The following DPF3 variants were observed in gnomAD, a reference collection of about 807,000 sequenced individuals.
DPF3 encodes double PHD fingers 3, also known as zinc finger protein DPF3.
DPF3 carries 18 observed loss-of-function variants against 56.8 expected under a neutral mutation model. The ratio of observed to expected loss-of-function variants is 0.32; its 90% CI spans 0.22 to 0.47. The LOEUF (loss-of-function observed/expected upper bound fraction) is 0.47. Among genes scored for constraint, DPF3 ranks in the 20% least tolerant of loss-of-function variants. DPF3 has a pLI of 1.00. For synonymous variants in DPF3, 188 were observed against 180.2 expected, an observed-to-expected ratio of 1.04 and a Z score of -0.35; for missense variants, 403 against 488.8, an observed-to-expected ratio of 0.82 and a Z score of 1.65.
At chr14:72,888,827 C>T (rs1886645774) in intron 1 of DPF3, among the ~76,000 whole-genome samples, 1 of 152,182 alleles carries the variant, frequency 6.6e-6, no homozygotes. Context: ...CACTCAAAAA[C>T]CACAAAAGTT....
intron 5 of DPF3, among the ~76,000 whole-genome samples, chr14:72,716,553 C>G (rs141578011): frequency 6.6e-6 from 1 of 152,098 alleles, no homozygotes. Flanking sequence ...TGGCACTGAG[C>G]GCTGTCTGGC....
intron 7 of DPF3, among the ~76,000 whole-genome samples, chr14:72,678,869 T>C (rs1389478919): frequency 2.6e-5 from 4 of 151,884 alleles, no homozygotes; most frequent in African/African-American, 2.4e-5. Flanking sequence ...GAAATCTACC[T>C]GAGGGAGATA....
intron 8 of DPF3, chr14:72,671,609 A>G: frequency 1.7e-6 from 1 of 589,790 alleles, no homozygotes; most frequent in Non-Finnish European, 3.2e-6. Context: ...TTCAACCATG[A>G]TCTTTCTTCT....
At chr14:72,846,395 G>T (rs1884761428) in intron 1 of DPF3, among the ~76,000 whole-genome samples, 1 of 145,448 alleles carries the variant, frequency 6.9e-6, no homozygotes, top group African/African-American at 2.6e-5. Flanking sequence ...GAGTGCAGTG[G>T]TGCGATCTCG....
At chr14:72,820,295 G>A (rs1193594091) in intron 1 of DPF3, among the ~76,000 whole-genome samples, 1 of 151,958 alleles carries the variant, frequency 6.6e-6, no homozygotes, top group Non-Finnish European at 1.5e-5. Context: ...GACCTCAACA[G>A]GCAAATGGCC....
intron 1 of DPF3, among the ~76,000 whole-genome samples, chr14:72,884,212 C>T (rs1567270378): frequency 6.6e-6 from 1 of 152,114 alleles, no homozygotes; most frequent in Non-Finnish European, 1.5e-5. Context: ...TGAGGGTTTC[C>T]CCTGAGCTCA....
rs1364756799 is a variant in DPF3 at position 72,753,310 on chromosome 14, C to T, written c.255G>A (p.Leu85=). The T allele has an allele frequency of 1.2e-6, 2 of 1,613,574 alleles. No individual in the cohort carries two copies. The highest frequency in any genetic ancestry group is 1.7e-5 in the Admixed American group (1 of 59,996). The part of the protein sequence containing the change: ...PARCWRKKRR[L]HPPEDPKLRL... ...GCAGTTTTGGATCTTCAGGTGGGTG[C>T]AATCGTCTCTTCTTGCGCCAGCAGC... The change falls in exon 3 of 11, where the codon TTG becomes TTA. Residue 85 remains leucine, a synonymous_variant. Coordinates refer to ENST00000556509, the MANE Select transcript of DPF3 (RefSeq NM_001280542.3).
At chr14:72,669,944 A>G in intron 8 of DPF3, 1 of 985,958 alleles carries the variant, frequency 1.0e-6, no homozygotes, top group South Asian at 4.7e-5. Context: ...AGGTTAGCCA[A>G]GACATACCTT....
At chr14:72,653,295 G>C (rs1885969315) in intron 8 of DPF3, among the ~76,000 whole-genome samples, 1 of 152,242 alleles carries the variant, frequency 6.6e-6, no homozygotes, top group Admixed American at 6.5e-5. Context: ...CAGCATGTCA[G>C]GGAGGGCCTA....
rs1027658850 is a variant in DPF3 at position 72,618,360 on chromosome 14, CAT to C, written c.*935_*936del. On this transcript the variant is annotated 3_prime_UTR_variant, in exon 11 of 11. Transcript: ENST00000556509. ...GCCCCCTGTATCCAGCATTCGGACA[CAT>C]GATTGGGCAGCCTTCGCTCCCCTTC... Among the ~76,000 whole-genome samples the C allele has an allele frequency of 6.6e-6, 1 of 152,210 alleles. No individual in the cohort carries two copies. The highest frequency in any genetic ancestry group is 2.4e-5 in the African/African-American group (1 of 41,448).
At position 72,870,026 on chromosome 14, in the gene DPF3, G is replaced by A. The variant is rs139492524; in HGVS notation, c.32+24031C>T. On this transcript the variant is annotated intron_variant, in intron 1 of 10. Transcript: ENST00000556509. ...GGCTGAAGTTTAGATTCTCTGACTC[G>A]GCTATTGAGTCCCATCAATTACAAC... 4.3e-3 allele frequency among the ~76,000 whole-genome samples: 653 copies of A among 152,134 alleles called. 5 individuals are homozygous for A. Among genetic ancestry groups the A allele is most frequent in the African/African-American group, 0.015 (623 of 41,486 alleles).
At chr14:72,868,665 A>G (rs1038030005) in intron 1 of DPF3, among the ~76,000 whole-genome samples, 20 of 152,296 alleles carry the variant, frequency 1.3e-4, no homozygotes, top group Admixed American at 6.5e-4. Context: ...GAGGAAAACA[A>G]TCTACCTATA....
In DPF3 at chr14:72,722,259, T is replaced by A. The variant is rs184402656; in HGVS notation, c.525+1374A>T. On this transcript the variant is annotated intron_variant, in intron 5 of 10. Transcript: ENST00000556509. Reference sequence around the variant, plus strand: ...GAGACGAGCCAAGATAGCCAAAATCTTGCTAAGTGATGAGGCTGGTCCCAG... The same window carrying A: ...GAGACGAGCCAAGATAGCCAAAATCATGCTAAGTGATGAGGCTGGTCCCAG... Among the ~76,000 whole-genome samples the A allele has an allele frequency of 5.9e-5, 9 of 152,212 alleles. No homozygotes were observed. In the East Asian group the frequency reaches 1.4e-3, roughly 23 times the overall value.
chr14:72,696,635 C>T (rs1887910924), intron 6 of DPF3, among the ~76,000 whole-genome samples: 1 of 152,228 alleles, frequency 6.6e-6, no homozygotes, highest in African/African-American at 2.4e-5. Context: ...CCACATTAAG[C>T]TCAGACTAAT....
chr14:72,872,830 C>T (rs1440357817), intron 1 of DPF3, among the ~76,000 whole-genome samples: 1 of 152,162 alleles, frequency 6.6e-6, no homozygotes, highest in East Asian at 1.9e-4. Flanking sequence ...GAAAGGATTC[C>T]CTATTTAATA....
chr14:72,844,161 T>G (rs777162200), intron 1 of DPF3, among the ~76,000 whole-genome samples: 3 of 152,138 alleles, frequency 2.0e-5, no homozygotes, highest in Non-Finnish European at 4.4e-5. Flanking sequence ...ACATAACAGG[T>G]TCTAGTCCAT....
At chr14:72,831,438 T>A (rs1010626695) in intron 1 of DPF3, among the ~76,000 whole-genome samples, 9 of 152,206 alleles carry the variant, frequency 5.9e-5, no homozygotes, top group African/African-American at 1.9e-4. Flanking sequence ...TTTCTGGGGT[T>A]CATCTCACAA....
chr14:72,817,245 GTCCCCACTATA>G (rs967766358), intron 1 of DPF3, among the ~76,000 whole-genome samples: 20 of 152,182 alleles, frequency 1.3e-4, no homozygotes, highest in African/African-American at 4.1e-4. Flanking sequence ...CCACTTTTAT[GTCCCCACTATA>G]TCTGGAACTC....
intron 5 of DPF3, among the ~76,000 whole-genome samples, chr14:72,717,186 C>T (rs935786158): frequency 6.6e-5 from 10 of 152,348 alleles, no homozygotes; most frequent in Admixed American, 5.2e-4. Flanking sequence ...CCTTGCTAAC[C>T]TCCACTCCTC....
Sources: gnomAD v4.1 joint callset for allele counts (sites outside exome capture counted in the v4.1 genomes callset) on GRCh38, gnomAD v4.1.1 for gene constraint, MANE v1.5 for transcripts, NCBI Gene and HGNC (gene_info 2026-07-23, HGNC 2026-07-21) for gene names.